The following ANHX variants were observed in gnomAD, a reference collection of about 807,000 sequenced individuals.
ANHX encodes the protein anomalous homeobox protein.
Under a neutral mutation model 38.9 loss-of-function variants are expected in ANHX, and 20 were observed. The ratio of observed to expected loss-of-function variants is 0.51; its 90% CI spans 0.36 to 0.75. The LOEUF (loss-of-function observed/expected upper bound fraction) is 0.75. Among genes scored for constraint, ANHX ranks in the 30% least tolerant of loss-of-function variants. The pLI is 0.00. For missense variants in ANHX, 475 were observed against 493.1 expected, an observed-to-expected ratio of 0.96 and a Z score of 0.35; for synonymous variants, 185 against 203.1, an observed-to-expected ratio of 0.91 and a Z score of 0.76.
At chr12:133,224,238 C>G (rs1366541353) in intron 7 of ANHX, among the ~76,000 whole-genome samples, 1 of 151,574 alleles carries the variant, frequency 6.6e-6, no homozygotes, top group Admixed American at 6.6e-5. Flanking sequence ...TGGGATGCTT[C>G]AAATGCTGGA....
At chr12:133,234,454 T>C (rs1957333994) in intron 1 of ANHX, 76 bp from the exon 2 acceptor site, 1 of 1,460,256 alleles carries the variant, frequency 6.8e-7, no homozygotes, top group Non-Finnish European at 9.1e-7. Context: ...CAACCCACTC[T>C]GCAAAGCAGG....
At position 133,225,050 on chromosome 12, in the gene ANHX, C is replaced by G. The variant is rs554015972; in HGVS notation, c.1132+486G>C. ...GTTTCCTCCTTACAAAGTGAGAAGTCTCATGATTCTGGTGTACTGGATGGG... is the reference window on the plus strand; with the variant it reads ...GTTTCCTCCTTACAAAGTGAGAAGTGTCATGATTCTGGTGTACTGGATGGG... On this transcript the variant is annotated intron_variant, in intron 7 of 9. Coordinates refer to ENST00000545940, the MANE Select transcript of ANHX (RefSeq NM_001372060.1). Among the ~76,000 whole-genome samples the G allele has an allele frequency of 2.2e-3, 335 of 151,944 alleles. 2 individuals are homozygous for G. The highest frequency in any genetic ancestry group is 7.9e-3 in the African/African-American group (328 of 41,426).
chr12:133,218,943 C>A lies in ANHX; in HGVS notation c.1394G>T (p.Gly465Val). The change falls in exon 10 of 10, where the codon GGT (glycine) becomes GTT (valine). Residue 465 changes from glycine (G) to valine (V), a missense_variant. Gly to Val is a moderately radical substitution (Grantham distance 109). Transcript: ENST00000545940. ...QVQCSDSQASGDAFWGARMLL... is the reference protein window; with the variant it reads ...QVQCSDSQASVDAFWGARMLL... ...CATCCTGGCTCCCCAGAAGGCATCA[C>A]CAGAGGCCTGGCTATCAGAACACTG... 1 of 1,534,508 alleles carries A rather than the reference C, an allele frequency of 6.5e-7. No homozygotes were observed. Among genetic ancestry groups the A allele is most frequent in the Non-Finnish European group, 8.7e-7 (1 of 1,145,738 alleles).
At chr12:133,230,418 T>C (rs956550861) in intron 3 of ANHX, among the ~76,000 whole-genome samples, 9 of 152,238 alleles carry the variant, frequency 5.9e-5, no homozygotes, top group Non-Finnish European at 1.2e-4. Context: ...AAGGTATCCA[T>C]GTCTTCTTCC....
chr12:133,227,951 G>A lies in ANHX; in HGVS notation c.378-4C>T, dbSNP rs1284388983. Reference sequence around the variant, plus strand: ...GAGGGAGGGGGGCGGGGGGTTCCTGGGTAAGGACAGTGAGGAGGTGGTAAC... The same window carrying A: ...GAGGGAGGGGGGCGGGGGGTTCCTGAGTAAGGACAGTGAGGAGGTGGTAAC... On this transcript the variant is annotated splice_region_variant and splice_polypyrimidine_tract_variant and intron_variant, in intron 3 of 9. Transcript: ENST00000545940. 1.3e-6 allele frequency: 2 copies of A among 1,534,144 alleles called. No individual in the cohort carries two copies. Among genetic ancestry groups the A allele is most frequent in the Non-Finnish European group, 1.7e-6 (2 of 1,145,920 alleles).
intron 2 of ANHX, among the ~76,000 whole-genome samples, chr12:133,233,294 G>A (rs975912360): frequency 3.3e-5 from 5 of 152,188 alleles, no homozygotes; most frequent in African/African-American, 1.2e-4. Context: ...TGGCTGCTGT[G>A]TGAACAGGTG....
At chr12:133,220,106 CAGG>C (rs1225400137) in intron 8 of ANHX, among the ~76,000 whole-genome samples, 1 of 152,038 alleles carries the variant, frequency 6.6e-6, no homozygotes, top group Non-Finnish European at 1.5e-5. Flanking sequence ...AGGCGAAAGG[CAGG>C]AGGAGGGTAC....
intron 3 of ANHX, among the ~76,000 whole-genome samples, chr12:133,230,673 G>C (rs1438578103): frequency 6.6e-6 from 1 of 152,162 alleles, no homozygotes; most frequent in Admixed American, 6.5e-5. Context: ...TGAGGTGGGA[G>C]GATCGCTTGA....
At chr12:133,228,510 C>T (rs924040855) in intron 3 of ANHX, among the ~76,000 whole-genome samples, 2 of 152,194 alleles carry the variant, frequency 1.3e-5, no homozygotes. Flanking sequence ...TGCATGGCCA[C>T]GCCAGCTTTC....
In ANHX at chr12:133,231,593, T is replaced by C. The variant is rs1957277665; in HGVS notation, c.301A>G (p.Ile101Val). 6.5e-7 allele frequency: 1 copy of C among 1,536,086 alleles called. No individual in the cohort carries two copies. The highest frequency in any genetic ancestry group is 8.7e-7 in the Non-Finnish European group (1 of 1,146,896). Residue 101 changes from isoleucine (I) to valine (V), a missense_variant, in exon 3 of 10, where the codon ATC (isoleucine) becomes GTC (valine). Transcript: ENST00000545940. ...CTCCTCATGACCAGACGGTAGTGGA[T>C]GTCGTTCCAGAGCTGCACTAACTCC... ...SQELVQLWND[I>V]HYRLVMRRLG...
chr12:133,231,030 C>T lies in ANHX; in HGVS notation c.377+487G>A, dbSNP rs565838863. On this transcript the variant is annotated intron_variant, in intron 3 of 9. Coordinates refer to ENST00000545940, the MANE Select transcript of ANHX (RefSeq NM_001372060.1). ...ATGTAACTCATGCTAACACTGGCAA[C>T]ATTCTCACCCTTAACTCTTTGAAAG... Among the ~76,000 whole-genome samples the T allele has an allele frequency of 2.3e-3, 357 of 152,318 alleles. 2 individuals carry two copies. Among genetic ancestry groups the T allele is most frequent in the African/African-American group, 8.0e-3 (334 of 41,566 alleles).
chr12:133,229,462 T>G (rs1363300457), intron 3 of ANHX, among the ~76,000 whole-genome samples: 1 of 152,158 alleles, frequency 6.6e-6, no homozygotes, highest in Non-Finnish European at 1.5e-5. Context: ...GGAACCCTCA[T>G]GCTCCTGGTG....
At chr12:133,229,813 A>C (rs567420170) in intron 3 of ANHX, among the ~76,000 whole-genome samples, 436 of 152,316 alleles carry the variant, frequency 2.9e-3, no homozygotes, top group African/African-American at 9.7e-3. Context: ...CCTCTAAGGC[A>C]GGGTGAGCGA....
chr12:133,234,042 T>C, intron 2 of ANHX, 66 bp downstream of exon 2: 1 of 1,499,274 alleles, frequency 6.7e-7, no homozygotes, highest in Non-Finnish European at 8.9e-7. Context: ...GTGCCGGAGA[T>C]GGGTGGAGGC....
Position 133,226,909 on chromosome 12 carries a change from G to A in ANHX, c.718+27C>T, listed in dbSNP as rs895606703. The A allele has an allele frequency of 2.8e-5, 41 of 1,482,126 alleles. No homozygotes were observed. In the East Asian group the frequency reaches 8.9e-4, roughly 32 times the overall value. The allele number at this position is 1,482,126 out of a possible 1,614,324, so 91.8% of individuals were successfully genotyped here. On this transcript the variant is annotated intron_variant, in intron 5 of 9. Transcript: ENST00000545940. Reference sequence around the variant, plus strand: ...TCAGAAACCAGCTCCCCGACCACAAGGAGACTGGGGCCCTCAGGCCACTCA... The same window carrying A: ...TCAGAAACCAGCTCCCCGACCACAAAGAGACTGGGGCCCTCAGGCCACTCA...
intron 7 of ANHX, among the ~76,000 whole-genome samples, chr12:133,223,609 T>A (rs762700303): frequency 1.3e-5 from 2 of 151,974 alleles, no homozygotes; most frequent in African/African-American, 2.4e-5. Flanking sequence ...CATGCCCAGC[T>A]GATTTTTAAA....
intron 2 of ANHX, among the ~76,000 whole-genome samples, chr12:133,233,463 G>A (rs976139354): frequency 1.3e-5 from 2 of 152,088 alleles, no homozygotes; most frequent in Non-Finnish European, 2.9e-5. Context: ...TTTGGGCCAC[G>A]TTTTCTGTGA....
chr12:133,218,843 C>A lies in ANHX; in HGVS notation c.*42G>T. The A allele has an allele frequency of 7.0e-7, 1 of 1,427,700 alleles. No individual in the cohort carries two copies. The highest frequency in any genetic ancestry group is 1.4e-5 in the South Asian group (1 of 73,588). 88.4% of individuals were successfully genotyped at this position (1,427,700 alleles called of 1,614,324 possible). A position where few individuals can be genotyped will look rare whatever the true frequency, so the allele number is the denominator to read the frequency against. On this transcript the variant is annotated 3_prime_UTR_variant, in exon 10 of 10. Coordinates refer to ENST00000545940, the MANE Select transcript of ANHX (RefSeq NM_001372060.1). ...TTGTGTTGACCAGGCAGACCATCCA[C>A]ACCCGCTCCTCCTGGGGTGCTGTCT... is the stretch of plus-strand genomic sequence containing the variant.
intron 1 of ANHX, chr12:133,234,731 TA>T (rs1957339253): frequency 4.3e-6 from 1 of 233,682 alleles, no homozygotes; most frequent in African/African-American, 2.2e-5. Flanking sequence ...TGAACCCACA[TA>T]CATGCACTTG....
Sources: allele counts gnomAD v4.1 joint callset (sites outside exome capture counted in the v4.1 genomes callset), GRCh38; gene constraint gnomAD v4.1.1; transcripts MANE v1.5; gene names NCBI Gene and HGNC (gene_info 2026-07-23, HGNC 2026-07-21).